Variants in KASH5 observed in about 807,000 individuals in gnomAD.
The protein encoded by KASH5 is protein KASH5.
In KASH5, 72 loss-of-function variants were observed where a neutral mutation model predicts 84.2. The observed-to-expected ratio is 0.85, with a 90% CI of 0.71 to 1.04. The LOEUF is 1.04. Ranked by LOEUF, KASH5 falls within the 50% of genes least tolerant of loss-of-function variation. The pLI is 0.00. For missense variants in KASH5, 650 were observed against 701.0 expected (o/e 0.93, Z 0.82); for synonymous variants, 260 against 279.1 (o/e 0.93, Z 0.68).
chr19:49,394,670 T>A, intron 3 of KASH5, 90 bp downstream of exon 3: 1 of 963,734 alleles, frequency 1.0e-6, no homozygotes, highest in Non-Finnish European at 1.7e-6. Flanking sequence ...AAGACTGGGC[T>A]AAGGCCCCCT....
chr19:49,398,279 G>T, intron 7 of KASH5, 136 bp downstream of exon 7: 2 of 746,510 alleles, frequency 2.7e-6, no homozygotes, highest in East Asian at 3.1e-5. Context: ...TCCCTTTTCT[G>T]TTTTTATCTT....
chr19:49,406,747 G>C, intron 9 of KASH5, 139 bp from the exon 10 acceptor site: 1 of 727,356 alleles, frequency 1.4e-6, no homozygotes, highest in Non-Finnish European at 2.3e-6. Context: ...AATGGTTGGA[G>C]GAATTAAATG....
At chr19:49,408,936 C>T in intron 12 of KASH5, 31 bp from the exon 13 acceptor site, 2 of 1,559,178 alleles carry the variant, frequency 1.3e-6, no homozygotes, top group South Asian at 2.4e-5. Context: ...AAATGCAGAG[C>T]CAAATGTGCT....
chr19:49,402,866 A>G (rs1417408040), intron 9 of KASH5, among the ~76,000 whole-genome samples: 1 of 151,986 alleles, frequency 6.6e-6, no homozygotes, highest in Non-Finnish European at 1.5e-5. Context: ...AGAAATGATG[A>G]CTTCAATCTA....
chr19:49,398,277 CT>C, intron 7 of KASH5, 134 bp downstream of exon 7: 6 of 754,820 alleles, frequency 7.9e-6, no homozygotes, highest in Non-Finnish European at 1.2e-5. Context: ...TTTCCCTTTT[CT>C]GTTTTTATCT....
Position 49,399,611 on chromosome 19 carries a change from G to A in KASH5, c.798+104G>A. 1 of 1,546,688 alleles carries A rather than the reference G, an allele frequency of 6.5e-7. No homozygotes were observed. The highest frequency in any genetic ancestry group is 8.7e-7 in the Non-Finnish European group (1 of 1,144,056). ...ACACCCCAGCAGCCTGTCTTGGGGAGACCTCAGAATGTCAGTAGTGTGGGA... is the reference window on the plus strand; with the variant it reads ...ACACCCCAGCAGCCTGTCTTGGGGAAACCTCAGAATGTCAGTAGTGTGGGA... On this transcript the variant is annotated intron_variant, in intron 9 of 19. Transcript: ENST00000447857. The surrounding 1 kb of genome is among the most constrained non-coding windows in gnomAD (Gnocchi z 4.4).
At position 49,414,015 on chromosome 19, in the gene KASH5, C is replaced by T. The variant is rs1209662704; in HGVS notation, c.1329-936C>T. Among the ~76,000 whole-genome samples, 1 of 151,908 alleles carries T rather than the reference C, an allele frequency of 6.6e-6. No homozygotes were observed. Among genetic ancestry groups the T allele is most frequent in the Non-Finnish European group, 1.5e-5 (1 of 67,990 alleles). ...CTCTGGTCCCCAGTGAAGGCAGTGG[C>T]TGGTGGTATGGATGGCTGGGTCTCT... On this transcript the variant is annotated intron_variant, in intron 16 of 19. Transcript: ENST00000447857. The surrounding 1 kb of genome is among the most constrained non-coding windows in gnomAD (Gnocchi z 4.5).
chr19:49,391,528 G>A (rs893248946), intron 2 of KASH5, among the ~76,000 whole-genome samples: 1 of 152,124 alleles, frequency 6.6e-6, no homozygotes, highest in Non-Finnish European at 1.5e-5. Context: ...TATGTATACA[G>A]GATATACATA....
chr19:49,407,044 CTG>C, intron 10 of KASH5, 81 bp downstream of exon 10: 1 of 1,398,572 alleles, frequency 7.2e-7, no homozygotes, highest in Non-Finnish European at 9.9e-7. Context: ...TGACTGCAGC[CTG>C]ATAAGGGCAG....
intron 9 of KASH5, among the ~76,000 whole-genome samples, chr19:49,402,936 GTCTC>G (rs1160353039): frequency 1.3e-5 from 2 of 151,914 alleles, no homozygotes; most frequent in Admixed American, 6.6e-5. Context: ...GAAGAAGGTG[GTCTC>G]TGGGAAGAAG....
chr19:49,416,333 C>T lies in KASH5; in HGVS notation c.1375-682C>T, dbSNP rs1220072957. ...TCAGCCTCCCAAGTAGCTGGGATTA[C>T]AGGCACGTGCTACCATGCCCGGCTA... is the stretch of plus-strand genomic sequence containing the variant. On this transcript the variant is annotated intron_variant, in intron 17 of 19. Transcript: ENST00000447857. This position sits in a 1 kb window ranked among gnomAD's most constrained non-coding sequence, Gnocchi z 5.4. Among the ~76,000 whole-genome samples, 1 of 152,154 alleles carries T rather than the reference C, an allele frequency of 6.6e-6. No homozygotes were observed. Among genetic ancestry groups the T allele is most frequent in the Non-Finnish European group, 1.5e-5 (1 of 68,034 alleles).
In KASH5 at chr19:49,416,917, C is replaced by T. The variant is rs1445282107; in HGVS notation, c.1375-98C>T. 1.6e-6 allele frequency: 2 copies of T among 1,230,508 alleles called. No individual in the cohort carries two copies. The highest frequency in any genetic ancestry group is 1.5e-5 in the African/African-American group (1 of 66,652). The allele number at this position is 1,230,508 out of a possible 1,614,324, so 76.2% of individuals were successfully genotyped here. A position where few individuals can be genotyped will look rare whatever the true frequency, so the allele number is the denominator to read the frequency against. Reference sequence around the variant, plus strand: ...GTGCACTCACTTATCTCCTGAGCTCCACCACTTTCTATGTGGCCACTTGTG... The same window carrying T: ...GTGCACTCACTTATCTCCTGAGCTCTACCACTTTCTATGTGGCCACTTGTG... On this transcript the variant is annotated intron_variant, in intron 17 of 19. Transcript: ENST00000447857. This position sits in a 1 kb window ranked among gnomAD's most constrained non-coding sequence, Gnocchi z 5.4.
In KASH5 at chr19:49,417,618, T is replaced by C. The variant is rs1163153580; in HGVS notation, c.*108T>C. 1.5e-6 allele frequency: 2 copies of C among 1,353,774 alleles called. No individual in the cohort carries two copies. Among genetic ancestry groups the C allele is most frequent in the East Asian group, 2.6e-5 (1 of 38,954 alleles). The allele number at this position is 1,353,774 out of a possible 1,614,324, so 83.9% of individuals were successfully genotyped here. Reference sequence around the variant, plus strand: ...CACTGTTGCGCAGGCTTACCCTAGATAGAGTACAGGGGATCCACATCCCTG... The same window carrying C: ...CACTGTTGCGCAGGCTTACCCTAGACAGAGTACAGGGGATCCACATCCCTG... On this transcript the variant is annotated 3_prime_UTR_variant, in exon 20 of 20. Coordinates refer to ENST00000447857, the MANE Select transcript of KASH5 (RefSeq NM_144688.5). This position sits in a 1 kb window ranked among gnomAD's most constrained non-coding sequence, Gnocchi z 5.2.
chr19:49,406,968 C>CA lies in KASH5; in HGVS notation c.876+6dup. 8.8e-6 allele frequency: 14 copies of CA among 1,582,548 alleles called. No homozygotes were observed. Among genetic ancestry groups the CA allele is most frequent in the Non-Finnish European group, 1.2e-5 (14 of 1,164,204 alleles). On this transcript the variant is annotated splice_donor_region_variant and intron_variant, in intron 10 of 19. Transcript: ENST00000447857. The stretch of plus-strand genomic sequence containing the variant: ...ATGGAGAAGGACACTTTGAAGGTGC[C>CA]ACTCCTTCCTAGTGCCTGACAACTT...
At position 49,395,011 on chromosome 19, in the gene KASH5, G is replaced by T; in HGVS notation, c.149-95G>T. On this transcript the variant is annotated intron_variant, in intron 3 of 19. Transcript: ENST00000447857. The surrounding 1 kb of genome is among the most constrained non-coding windows in gnomAD (Gnocchi z 4.4). Reference sequence around the variant, plus strand: ...GGGCCATGGAGCAGGAGTGCCACCAGCCTAGCCAGTGACATCCTGGTCCCA... The same window carrying T: ...GGGCCATGGAGCAGGAGTGCCACCATCCTAGCCAGTGACATCCTGGTCCCA... The T allele has an allele frequency of 1.0e-6, 1 of 983,164 alleles. No individual in the cohort carries two copies. 60.9% of individuals were successfully genotyped at this position (983,164 alleles called of 1,614,324 possible). A position where few individuals can be genotyped will look rare whatever the true frequency, so the allele number is the denominator to read the frequency against.
chr19:49,391,194 C>A (rs75475537), intron 2 of KASH5, among the ~76,000 whole-genome samples: 5,232 of 152,240 alleles, frequency 0.034, 283 homozygotes, highest in African/African-American at 0.12. Context: ...ATTCAGATCG[C>A]GGCCCAGATG....
At position 49,409,757 on chromosome 19, in the gene KASH5, AG is replaced by A; in HGVS notation, c.1153del (p.Glu385LysfsTer60). The A allele has an allele frequency of 6.2e-7, 1 of 1,613,898 alleles. No homozygotes were observed. The highest frequency in any genetic ancestry group is 1.6e-4 in the Middle Eastern group (1 of 6,062). ...GLEIEAIRQKQEVATADLSNP... is the reference protein window; with the variant it reads ...GLEIEAIRQKXEVATADLSNP... The stretch of plus-strand genomic sequence containing the variant: ...CGGAAACAACTTCTGTCCCAGAAAC[AG>A]GAAGTGGCAACTGCTGATCTCTCCA... On this transcript the variant is annotated frameshift_variant, in exon 15 of 20. Transcript: ENST00000447857. LOFTEE classifies it high-confidence loss of function.
intron 17 of KASH5, 24 bp downstream of exon 17, chr19:49,415,020 C>CACT: frequency 1.2e-6 from 2 of 1,603,048 alleles, no homozygotes; most frequent in South Asian, 2.3e-5. Context: ...AGCACCCCTC[C>CACT]CCAGTCCCCA....
chr19:49,400,914 A>T (rs1207549329), intron 9 of KASH5, among the ~76,000 whole-genome samples: 1 of 152,126 alleles, frequency 6.6e-6, no homozygotes. Flanking sequence ...TTGACAATGA[A>T]ACCTGTCACC....
Sources: gnomAD v4.1 joint callset for allele counts (sites outside exome capture counted in the v4.1 genomes callset) on GRCh38, gnomAD v4.1.1 for gene constraint, Gnocchi (gnomAD v3.1) non-coding constraint, MANE v1.5 for transcripts, NCBI Gene and HGNC (gene_info 2026-07-23, HGNC 2026-07-21) for gene names.